The following LGSN variants were observed in gnomAD, a reference collection of about 807,000 sequenced individuals.
The protein encoded by LGSN is lengsin.
LGSN carries 21 observed loss-of-function variants against 19.5 expected under a neutral mutation model. That is an observed-to-expected ratio of 1.07 (90% CI 0.76 to 1.55). The LOEUF (loss-of-function observed/expected upper bound fraction) is 1.55, where lower values mean the gene tolerates loss of function less well. Among genes scored for constraint, LGSN ranks in the 40% most tolerant of loss-of-function variants. The probability of loss-of-function intolerance (pLI) is 0.00; values close to 1 mark genes in which losing one functional copy is unlikely to be tolerated. For synonymous variants in LGSN, 257 were observed against 215.6 expected, an observed-to-expected ratio of 1.19 and a Z score of -1.68; for missense variants, 673 against 608.5, an observed-to-expected ratio of 1.11 and a Z score of -1.12.
At position 63,279,440 on chromosome 6, in the gene LGSN, G is replaced by C. The variant is rs1196026455; in HGVS notation, c.*581C>G. The C allele has an allele frequency of 6.6e-6, 1 of 152,238 alleles. No homozygotes were observed. Among genetic ancestry groups the C allele is most frequent in the Non-Finnish European group, 1.5e-5 (1 of 68,150 alleles). The allele number at this position is 152,238 out of a possible 1,614,324, so 9.4% of individuals were successfully genotyped here. The stretch of plus-strand genomic sequence containing the variant: ...AGCTTTTCAGGAGCTAGTGGAGAAG[G>C]GTGAAAAGAGAAGAGACTTAGGGGA... On this transcript the variant is annotated 3_prime_UTR_variant, in exon 4 of 4. Transcript: ENST00000370657.
the LGSN span, among the ~76,000 whole-genome samples, chr6:63,371,692 T>C: frequency 6.6e-6 from 1 of 152,186 alleles, no homozygotes; most frequent in Admixed American, 6.5e-5. Flanking sequence ...CACATTTTCT[T>C]AGTATAAAGA....
the LGSN span, among the ~76,000 whole-genome samples, chr6:63,428,377 G>A: frequency 6.6e-6 from 1 of 151,884 alleles, no homozygotes; most frequent in Non-Finnish European, 1.5e-5. Context: ...TTTGAGATGG[G>A]GTCTCACTCT....
the LGSN span, among the ~76,000 whole-genome samples, chr6:63,509,838 C>T: frequency 6.6e-6 from 1 of 152,244 alleles, no homozygotes; most frequent in Non-Finnish European, 1.5e-5. Flanking sequence ...CCGGGTTAGT[C>T]GCAGACCTGG....
chr6:63,389,366 T>C, the LGSN span, among the ~76,000 whole-genome samples: 1 of 152,240 alleles, frequency 6.6e-6, no homozygotes, highest in Non-Finnish European at 1.5e-5. Flanking sequence ...TGTATCTTCT[T>C]GTGTTTCTAT....
chr6:63,367,715 G>A, the LGSN span, among the ~76,000 whole-genome samples: 2 of 145,910 alleles, frequency 1.4e-5, 1 homozygote, highest in East Asian at 4.0e-4. Context: ...TGATAGAGTG[G>A]ATTAAGAAAA....
the LGSN span, among the ~76,000 whole-genome samples, chr6:63,526,837 T>TATATATA: frequency 2.1e-3 from 180 of 87,612 alleles, 1 homozygote; most frequent in African/African-American, 6.1e-3. Flanking sequence ...ATATATATAT[T>TATATATA]TATTTATTTA....
chr6:63,415,100 C>T, the LGSN span, among the ~76,000 whole-genome samples: 1,371 of 151,964 alleles, frequency 9.0e-3, 12 homozygotes, highest in African/African-American at 0.031. Context: ...GGTGGATCAC[C>T]TAGGAGGTCA....
the LGSN span, among the ~76,000 whole-genome samples, chr6:63,339,768 T>C: frequency 6.6e-6 from 1 of 152,182 alleles, no homozygotes; most frequent in Admixed American, 6.5e-5. Flanking sequence ...TCCTCTTTTA[T>C]TGTTTACTTT....
the LGSN span, among the ~76,000 whole-genome samples, chr6:63,507,219 G>A: frequency 3.9e-5 from 6 of 152,196 alleles, no homozygotes; most frequent in East Asian, 1.9e-4. Flanking sequence ...TTCCACTATC[G>A]CTAATGTACT....
At chr6:63,355,029 G>A in the LGSN span, among the ~76,000 whole-genome samples, 3 of 152,014 alleles carry the variant, frequency 2.0e-5, no homozygotes, top group Non-Finnish European at 4.4e-5. Context: ...AGAAAGAATA[G>A]TTTCTAAAGT....
the LGSN span, among the ~76,000 whole-genome samples, chr6:63,445,405 G>T: frequency 6.6e-6 from 1 of 152,116 alleles, no homozygotes; most frequent in African/African-American, 2.4e-5. Context: ...ATCACTTGAG[G>T]TCAGGAGCTC....
the LGSN span, among the ~76,000 whole-genome samples, chr6:63,456,707 C>T: frequency 1.3e-5 from 2 of 152,080 alleles, no homozygotes; most frequent in South Asian, 4.1e-4. Context: ...CAGACGTAGC[C>T]TCTGTTCCTA....
the LGSN span, among the ~76,000 whole-genome samples, chr6:63,505,615 AAG>A: frequency 3.4e-5 from 4 of 116,928 alleles, no homozygotes; most frequent in Non-Finnish European, 7.4e-5. Context: ...GAAAGAAAGA[AAG>A]AAAGAAAGAA....
the LGSN span, among the ~76,000 whole-genome samples, chr6:63,560,005 G>C: frequency 6.6e-6 from 1 of 152,154 alleles, no homozygotes; most frequent in Non-Finnish European, 1.5e-5. Context: ...ATCACGGAAT[G>C]GCCTCATTCA....
chr6:63,430,700 A>T, the LGSN span, among the ~76,000 whole-genome samples: 3 of 152,176 alleles, frequency 2.0e-5, no homozygotes, highest in African/African-American at 7.2e-5. Flanking sequence ...AAATCGTTTA[A>T]ATTTATCATC....
At chr6:63,412,529 G>GAAAGAAAGAAAGAAAGAAA in the LGSN span, among the ~76,000 whole-genome samples, 1 of 32,378 alleles carries the variant, frequency 3.1e-5, no homozygotes, top group African/African-American at 1.3e-4. Context: ...AAAGAAAGAA[G>GAAAGAAAGAAAGAAAGAAA]GAAAGAAAGA....
At chr6:63,428,535 G>A in the LGSN span, among the ~76,000 whole-genome samples, 11 of 152,006 alleles carry the variant, frequency 7.2e-5, no homozygotes, top group African/African-American at 2.2e-4. Flanking sequence ...ATTTTTAGTA[G>A]AGACGGGGTT....
the LGSN span, among the ~76,000 whole-genome samples, chr6:63,409,545 A>G: frequency 6.6e-6 from 1 of 152,222 alleles, no homozygotes; most frequent in South Asian, 2.1e-4. Context: ...TTGGGGTCAG[A>G]TGACCTTATT....
At chr6:63,480,095 C>T in the LGSN span, 1 of 177,846 alleles carries the variant, frequency 5.6e-6, no homozygotes, top group Non-Finnish European at 1.3e-5. Context: ...TGTGTTCCTT[C>T]CTTTTGCTGC....
Sources: allele counts gnomAD v4.1 joint callset (sites outside exome capture counted in the v4.1 genomes callset), GRCh38; gene constraint gnomAD v4.1.1; transcripts MANE v1.5; gene names NCBI Gene and HGNC (gene_info 2026-07-23, HGNC 2026-07-21).